The following RAB38 variants were observed in gnomAD, a reference collection of about 807,000 sequenced individuals.
RAB38 encodes ras-related protein Rab-38.
RAB38 carries 15 observed loss-of-function variants against 18.4 expected under a neutral mutation model. The ratio of observed to expected loss-of-function variants is 0.82; its 90% confidence interval spans 0.55 to 1.26. The LOEUF (loss-of-function observed/expected upper bound fraction) is 1.26. Among genes scored for constraint, RAB38 ranks in the 50% most tolerant of loss-of-function variants. The pLI is 0.00. For missense variants in RAB38, 294 were observed against 267.4 expected, an observed-to-expected ratio of 1.10 and a Z score of -0.69; for synonymous variants, 101 against 104.4, an observed-to-expected ratio of 0.97 and a Z score of 0.20.
chr11:88,040,802 C>T, the RAB38 span, among the ~76,000 whole-genome samples: 1 of 152,130 alleles, frequency 6.6e-6, no homozygotes, highest in Non-Finnish European at 1.5e-5. Context: ...GGCTTCAATA[C>T]ATGAATTTTG....
chr11:87,918,214 G>T, the RAB38 span, among the ~76,000 whole-genome samples: 2 of 152,132 alleles, frequency 1.3e-5, no homozygotes, highest in African/African-American at 2.4e-5. Context: ...CACAATGACA[G>T]AATTTCCTTC....
the RAB38 span, among the ~76,000 whole-genome samples, chr11:88,051,581 C>G: frequency 6.6e-6 from 1 of 150,958 alleles, no homozygotes; most frequent in African/African-American, 2.4e-5. Flanking sequence ...AAACAGGATA[C>G]AGTCAAAAAT....
chr11:87,844,973 G>C, the RAB38 span, among the ~76,000 whole-genome samples: 1 of 152,138 alleles, frequency 6.6e-6, no homozygotes, highest in East Asian at 1.9e-4. Context: ...TGAATTACCT[G>C]TATATATCTC....
the RAB38 span, among the ~76,000 whole-genome samples, chr11:87,977,958 T>G: frequency 8.8e-6 from 1 of 113,038 alleles, no homozygotes; most frequent in Non-Finnish European, 1.7e-5. Context: ...ATATAATATA[T>G]AAATAAGATA....
At chr11:87,919,426 G>C in the RAB38 span, among the ~76,000 whole-genome samples, 1 of 151,732 alleles carries the variant, frequency 6.6e-6, no homozygotes, top group South Asian at 2.1e-4. Flanking sequence ...ATATTAAACT[G>C]TTCTTGAATT....
the RAB38 span, among the ~76,000 whole-genome samples, chr11:88,065,754 A>T: frequency 2.0e-5 from 3 of 152,224 alleles, no homozygotes; most frequent in Non-Finnish European, 2.9e-5. Flanking sequence ...AATGCTTCAC[A>T]TTAATATTGA....
the RAB38 span, among the ~76,000 whole-genome samples, chr11:87,925,775 T>C: frequency 1.3e-5 from 2 of 152,034 alleles, no homozygotes; most frequent in Non-Finnish European, 2.9e-5. Context: ...TATCCAATTA[T>C]AGGATGGGCT....
the RAB38 span, among the ~76,000 whole-genome samples, chr11:87,888,913 T>A: frequency 1.3e-5 from 2 of 151,908 alleles, no homozygotes; most frequent in Non-Finnish European, 2.9e-5. Context: ...CACTAGCAAT[T>A]GGTGCTGTCT....
At chr11:87,815,509 T>G in the RAB38 span, 1 of 152,134 alleles carries the variant, frequency 6.6e-6, no homozygotes, top group Non-Finnish European at 1.5e-5. Context: ...GGGTGGAAAG[T>G]GATTTTGTCC....
chr11:87,897,484 G>A, the RAB38 span, among the ~76,000 whole-genome samples: 1 of 151,464 alleles, frequency 6.6e-6, no homozygotes, highest in Non-Finnish European at 1.5e-5. Context: ...AGTTAATATT[G>A]AACAGTGTTA....
chr11:87,939,753 A>C, the RAB38 span, among the ~76,000 whole-genome samples: 10 of 152,034 alleles, frequency 6.6e-5, no homozygotes, highest in African/African-American at 2.4e-4. Context: ...TTAGTTAGGC[A>C]TGGTGGCTCA....
the RAB38 span, among the ~76,000 whole-genome samples, chr11:87,831,673 G>A: frequency 6.6e-6 from 1 of 152,190 alleles, no homozygotes; most frequent in African/African-American, 2.4e-5. Flanking sequence ...GAAGCCCTGA[G>A]ACTGGTACCT....
the RAB38 span, among the ~76,000 whole-genome samples, chr11:87,915,432 C>T: frequency 2.6e-5 from 4 of 152,106 alleles, no homozygotes; most frequent in African/African-American, 9.7e-5. Context: ...TCTCACTGCT[C>T]ATTACATGTA....
At chr11:88,111,135 A>C (rs888332247), downstream of RAB38, among the ~76,000 whole-genome samples, 2 of 152,198 alleles carry the variant, frequency 1.3e-5, no homozygotes, top group Admixed American at 1.3e-4. Flanking sequence ...AACTGCTTCT[A>C]ATCAAGGTTC....
chr11:87,878,457 G>A, the RAB38 span, among the ~76,000 whole-genome samples: 1 of 151,118 alleles, frequency 6.6e-6, no homozygotes, highest in Non-Finnish European at 1.5e-5. Context: ...CAGTGCAAGA[G>A]CTTCACAACA....
At chr11:88,082,145 T>C in the RAB38 span, among the ~76,000 whole-genome samples, 1 of 151,820 alleles carries the variant, frequency 6.6e-6, no homozygotes, top group African/African-American at 2.4e-5. Flanking sequence ...TCTGGGGTGA[T>C]GAAAATGATC....
the RAB38 span, among the ~76,000 whole-genome samples, chr11:88,003,680 TTA>T: frequency 3.0e-3 from 12 of 4,012 alleles, 5 homozygotes; most frequent in African/African-American, 0.019. Flanking sequence ...ATTATATATA[TTA>T]TATATATTAT....
At chr11:87,818,762 A>T in the RAB38 span, among the ~76,000 whole-genome samples, 1 of 152,124 alleles carries the variant, frequency 6.6e-6, no homozygotes, top group Non-Finnish European at 1.5e-5. Flanking sequence ...GGAATGTTAA[A>T]AAATAAAATC....
the RAB38 span, among the ~76,000 whole-genome samples, chr11:88,079,491 A>C: frequency 4.0e-5 from 6 of 151,838 alleles, no homozygotes; most frequent in Non-Finnish European, 8.8e-5. Flanking sequence ...CCAAAATTTT[A>C]GTACCAATTG....
Sources: gnomAD v4.1 joint callset for allele counts (sites outside exome capture counted in the v4.1 genomes callset) on GRCh38, gnomAD v4.1.1 for gene constraint, MANE v1.5 for transcripts, NCBI Gene and HGNC (gene_info 2026-07-23, HGNC 2026-07-21) for gene names.